COL21A1: variants seen among roughly 807,000 people sequenced by gnomAD.
COL21A1 encodes the protein collagen alpha-1(XXI) chain.
COL21A1 carries 149 observed loss-of-function variants against 137.9 expected under a neutral mutation model. That is an observed-to-expected ratio of 1.08 (90% CI 0.95 to 1.24). The LOEUF (loss-of-function observed/expected upper bound fraction) is 1.24, where lower values mean the gene tolerates loss of function less well. COL21A1 is among the 50% of genes most tolerant of loss of function. The pLI is 0.00. For synonymous variants in COL21A1, 456 were observed against 391.5 expected, an observed-to-expected ratio of 1.16 and a Z score of -1.95; for missense variants, 1,167 against 1,158.4, an observed-to-expected ratio of 1.01 and a Z score of -0.11.
chr6:56,154,127 TG>T (rs1188790826), intron 10 of COL21A1, among the ~76,000 whole-genome samples: 3 of 151,858 alleles, frequency 2.0e-5, no homozygotes, highest in Non-Finnish European at 4.4e-5. Flanking sequence ...ATTGTGGGAG[TG>T]GGTTAGTTAC....
chr6:56,262,158 G>A (rs1239701303), intron 1 of COL21A1, among the ~76,000 whole-genome samples: 1 of 152,044 alleles, frequency 6.6e-6, no homozygotes, highest in Non-Finnish European at 1.5e-5. Context: ...GCCTGACATA[G>A]TCACCATAAA....
chr6:56,372,182 T>G (rs1166414276), intron 1 of COL21A1, among the ~76,000 whole-genome samples: 1 of 152,216 alleles, frequency 6.6e-6, no homozygotes, highest in African/African-American at 2.4e-5. Context: ...AATGGATTCC[T>G]GTACAAATCC....
chr6:56,206,689 AATAAATAAATATATATATAT>A (rs1231350653), intron 1 of COL21A1, among the ~76,000 whole-genome samples: 25 of 22,224 alleles, frequency 1.1e-3, no homozygotes, highest in African/African-American at 2.2e-3. Context: ...AAAATAAATA[AATAAATAAATATATATATAT>A]ATATATATAT....
At chr6:56,077,640 A>C (rs373953219) in intron 17 of COL21A1, 67 bp from the exon 18 acceptor site, 21 of 934,966 alleles carry the variant, frequency 2.2e-5, no homozygotes, top group African/African-American at 1.7e-4. Flanking sequence ...AAGAAGAAAC[A>C]GTCACAATTG....
chr6:56,073,971 G>A (rs1766985671), intron 20 of COL21A1, among the ~76,000 whole-genome samples: 1 of 151,370 alleles, frequency 6.6e-6, no homozygotes, highest in South Asian at 2.1e-4. Context: ...CTCAATACTA[G>A]ACACCAAGAC....
chr6:56,366,102 T>C (rs1766092900), intron 1 of COL21A1, among the ~76,000 whole-genome samples: 2 of 152,202 alleles, frequency 1.3e-5, no homozygotes, highest in Admixed American at 1.3e-4. Context: ...TTGTATGTTA[T>C]GGAGTTTACT....
In COL21A1 at chr6:56,282,871, C is replaced by A. The variant is rs1763813709; in HGVS notation, c.-38-100215G>T. 3.3e-5 allele frequency among the ~76,000 whole-genome samples: 5 copies of A among 152,158 alleles called. No individual in the cohort carries two copies. In the South Asian group the frequency reaches 8.3e-4, roughly 25 times the overall value. On this transcript the variant is annotated intron_variant, in intron 1 of 28. Coordinates refer to the COL21A1 transcript ENST00000370819. ...AATCACATTCAAACCTATTGTATGG[C>A]CACTTGAGTTAATAAACTCCTGTTT...
chr6:56,356,370 C>T (rs895136722), intron 1 of COL21A1, among the ~76,000 whole-genome samples: 2 of 152,028 alleles, frequency 1.3e-5, no homozygotes, highest in African/African-American at 2.4e-5. Flanking sequence ...CTGTGAACTG[C>T]GACATATTTA....
At chr6:56,379,128 G>A (rs370791818) in intron 1 of COL21A1, among the ~76,000 whole-genome samples, 9 of 152,288 alleles carry the variant, frequency 5.9e-5, no homozygotes, top group Non-Finnish European at 1.0e-4. Context: ...AAGCCCAGAC[G>A]GCGAAGACTA....
At chr6:56,243,128 T>C (rs1330572083) in intron 1 of COL21A1, among the ~76,000 whole-genome samples, 1 of 152,192 alleles carries the variant, frequency 6.6e-6, no homozygotes, top group Non-Finnish European at 1.5e-5. Context: ...AAAAATTCTA[T>C]GAGTACATGA....
At chr6:56,246,217 C>A (rs1782631994) in intron 1 of COL21A1, among the ~76,000 whole-genome samples, 1 of 152,098 alleles carries the variant, frequency 6.6e-6, no homozygotes, top group Non-Finnish European at 1.5e-5. Context: ...TAGGAAAAGA[C>A]AAAATACGCA....
chr6:56,168,411 C>T (rs1013856523), intron 5 of COL21A1, 114 bp from the exon 6 acceptor site: 9 of 802,584 alleles, frequency 1.1e-5, no homozygotes, highest in African/African-American at 8.6e-5. Context: ...CCCACACAGA[C>T]TGACTGTATT....
At chr6:56,344,928 A>G (rs189790397) in intron 1 of COL21A1, among the ~76,000 whole-genome samples, 1 of 152,302 alleles carries the variant, frequency 6.6e-6, no homozygotes, top group African/African-American at 2.4e-5. Flanking sequence ...CCATGAGCCA[A>G]TTAAATCTCT....
intron 1 of COL21A1, among the ~76,000 whole-genome samples, chr6:56,302,331 T>C (rs1288822828): frequency 6.6e-6 from 1 of 152,184 alleles, no homozygotes; most frequent in African/African-American, 2.4e-5. Context: ...TTGCACTAGT[T>C]TACAGTCCCA....
intron 24 of COL21A1, among the ~76,000 whole-genome samples, chr6:56,063,341 G>A (rs1765972658): frequency 6.6e-6 from 1 of 152,060 alleles, no homozygotes; most frequent in Non-Finnish European, 1.5e-5. Context: ...TTTGATAAAA[G>A]GTCTGGGCTG....
chr6:56,143,192 A>G (rs1159175230), intron 10 of COL21A1, among the ~76,000 whole-genome samples: 1 of 147,872 alleles, frequency 6.8e-6, no homozygotes, highest in African/African-American at 2.5e-5. Flanking sequence ...ATGACTATAC[A>G]ATTTTTCTTT....
intron 1 of COL21A1, among the ~76,000 whole-genome samples, chr6:56,360,731 T>G (rs1244267996): frequency 1.3e-5 from 2 of 152,210 alleles, no homozygotes; most frequent in Non-Finnish European, 2.9e-5. Flanking sequence ...GAAAGGATGC[T>G]GGAATTATTA....
intron 16 of COL21A1, among the ~76,000 whole-genome samples, chr6:56,112,182 G>A (rs1051896842): frequency 8.5e-5 from 13 of 152,060 alleles, no homozygotes; most frequent in Non-Finnish European, 1.8e-4. Context: ...GTAATTCAAA[G>A]GGAAATGAAA....
intron 16 of COL21A1, among the ~76,000 whole-genome samples, chr6:56,111,305 G>A (rs1242578983): frequency 6.6e-6 from 1 of 152,126 alleles, no homozygotes; most frequent in Non-Finnish European, 1.5e-5. Flanking sequence ...TCACAGATCA[G>A]TGGGAAATAG....
Sources: allele counts gnomAD v4.1 joint callset (sites outside exome capture counted in the v4.1 genomes callset), GRCh38; gene constraint gnomAD v4.1.1; transcripts MANE v1.5; gene names NCBI Gene and HGNC (gene_info 2026-07-23, HGNC 2026-07-21).